Variants in RNF213 observed in about 807,000 individuals in gnomAD.
The protein encoded by RNF213 is E3 ubiquitin-protein ligase RNF213.
Under a neutral mutation model 514.4 loss-of-function variants are expected in RNF213, and 341 were observed. The ratio of observed to expected loss-of-function variants is 0.66; its 90% CI spans 0.61 to 0.73. RNF213 has a LOEUF of 0.73. RNF213 is among the 30% of genes least tolerant of loss of function. RNF213 has a pLI of 0.00. For synonymous variants in RNF213, 2,655 were observed against 2,658.2 expected, an observed-to-expected ratio of 1.00 and a Z score of 0.04; for missense variants, 5,767 against 6,615.6, an observed-to-expected ratio of 0.87 and a Z score of 4.45.
At chr17:80,374,202 C>T (rs1019406485) in intron 49 of RNF213, among the ~76,000 whole-genome samples, 1 of 152,182 alleles carries the variant, frequency 6.6e-6, no homozygotes, top group East Asian at 1.9e-4. Context: ...GCGCCGCAAA[C>T]GGAGGAAGCA....
intron 59 of RNF213, among the ~76,000 whole-genome samples, chr17:80,384,209 A>T (rs1283839089): frequency 6.6e-6 from 1 of 152,084 alleles, no homozygotes; most frequent in Admixed American, 6.6e-5. Context: ...TCCCCTCATC[A>T]CTCAGCCAGA....
At position 80,377,754 on chromosome 17, in the gene RNF213, C is replaced by T; in HGVS notation, c.13511-8C>T. On this transcript the variant is annotated splice_region_variant and splice_polypyrimidine_tract_variant and intron_variant, in intron 53 of 67. Coordinates refer to ENST00000582970, the MANE Select transcript of RNF213 (RefSeq NM_001256071.3). The surrounding 1 kb of genome is among the most constrained non-coding windows in gnomAD (Gnocchi z 4.1). ...CATTAGCCAATGTGTGTCCTGTTCT[C>T]TTCACAGCTTGTCCCAACGGCCATC... 5 of 1,614,174 alleles carry T rather than the reference C, an allele frequency of 3.1e-6. No individual in the cohort carries two copies. Among genetic ancestry groups the T allele is most frequent in the Non-Finnish European group, 4.2e-6 (5 of 1,180,012 alleles).
rs375963112 is a variant in RNF213 at position 80,343,108 on chromosome 17, C to G, written c.5990-24C>G. ...CAGGTGTGAGCCACCACTCCCAGCCCTAATTTCTGTATTAATGTTATAGGA... is the reference window on the plus strand; with the variant it reads ...CAGGTGTGAGCCACCACTCCCAGCCGTAATTTCTGTATTAATGTTATAGGA... On this transcript the variant is annotated intron_variant, in intron 26 of 67. Transcript: ENST00000582970. The surrounding 1 kb of genome is among the most constrained non-coding windows in gnomAD (Gnocchi z 4.3). 2.5e-6 allele frequency: 4 copies of G among 1,602,534 alleles called. No individual in the cohort carries two copies. Among genetic ancestry groups the G allele is most frequent in the Middle Eastern group, 1.7e-4 (1 of 6,058 alleles).
At chr17:80,290,155 G>C (rs2044638342) in intron 6 of RNF213, among the ~76,000 whole-genome samples, 1 of 152,228 alleles carries the variant, frequency 6.6e-6, no homozygotes, top group Admixed American at 6.5e-5. Flanking sequence ...GGCAGGGAGT[G>C]GCCACCTCTT....
Position 80,389,650 on chromosome 17 carries a change from G to GC in RNF213, c.15196-177dup, listed in dbSNP as rs1568174675. 3.3e-5 allele frequency among the ~76,000 whole-genome samples: 5 copies of GC among 152,326 alleles called. No individual in the cohort carries two copies. In the South Asian group the frequency reaches 8.3e-4, roughly 25 times the overall value. ...TGATGTGAGCGGGCTGTGAGGTGCC[G>GC]CAGGAGGGAACTGGTAGATAGGACA... On this transcript the variant is annotated intron_variant, in intron 65 of 67. Transcript: ENST00000582970.
At position 80,379,693 on chromosome 17, in the gene RNF213, G is replaced by A. The variant is rs748454069; in HGVS notation, c.13619G>A (p.Arg4540Gln). Residue 4540 changes from arginine (R) to glutamine (Q), a missense_variant, in exon 55 of 68, where the codon CGG becomes CAG. Transcript: ENST00000582970. ...ATTGGAGGCATTGACCACAAACCTC[G>A]GGACGGCTTTCATCTGGTCAAGTAT... The part of the protein sequence containing the change: ...APIGGIDHKP[R>Q]DGFHLVKDKA... 18 of 1,614,150 alleles carry A rather than the reference G, an allele frequency of 1.1e-5. No individual in the cohort carries two copies. Among genetic ancestry groups the A allele is most frequent in the East Asian group, 2.2e-5 (1 of 44,882 alleles).
chr17:80,336,159 A>C lies in RNF213; in HGVS notation c.4310-2A>C. The C allele has an allele frequency of 3.9e-6, 6 of 1,536,808 alleles. No homozygotes were observed. The highest frequency in any genetic ancestry group is 5.2e-6 in the Non-Finnish European group (6 of 1,146,574). ...GCTGAACTCCCCTCTTCTCTTCCCCAGGCATCAATGAGCTGAAGGTGTTTG... is the reference window on the plus strand; with the variant it reads ...GCTGAACTCCCCTCTTCTCTTCCCCCGGCATCAATGAGCTGAAGGTGTTTG... On this transcript the variant is annotated splice_acceptor_variant, in intron 22 of 67. Coordinates refer to ENST00000582970, the MANE Select transcript of RNF213 (RefSeq NM_001256071.3). LOFTEE classifies it high-confidence loss of function.
chr17:80,322,715 T>C (rs2046180008), intron 17 of RNF213, among the ~76,000 whole-genome samples: 1 of 152,128 alleles, frequency 6.6e-6, no homozygotes. Flanking sequence ...GCACCTGGCC[T>C]CTTTTGCTCA....
chr17:80,349,951 C>T, intron 30 of RNF213, 45 bp downstream of exon 30: 2 of 1,611,704 alleles, frequency 1.2e-6, no homozygotes, highest in Non-Finnish European at 1.7e-6. Context: ...TCCCCAGCCG[C>T]AGCCGTGTGG....
At position 80,345,370 on chromosome 17, in the gene RNF213, C is replaced by T; in HGVS notation, c.7035C>T (p.Val2345=). 1 of 1,614,144 alleles carries T rather than the reference C, an allele frequency of 6.2e-7. No individual in the cohort carries two copies. The highest frequency in any genetic ancestry group is 8.5e-7 in the Non-Finnish European group (1 of 1,180,034). ...CTGGGAAGGTCATCAAGAGAGACGT[C>T]ATGACCAGGGACCTGTACCAGGGCC... ...HLTGKVIKRD[V]MTRDLYQGLL... Residue 2345 remains valine, a synonymous_variant, in exon 29 of 68, where the codon GTC becomes GTT. Coordinates refer to ENST00000582970, the MANE Select transcript of RNF213 (RefSeq NM_001256071.3). This position sits in a 1 kb window ranked among gnomAD's most constrained non-coding sequence, Gnocchi z 6.0.
chr17:80,283,089 AC>A (rs1195830774), intron 3 of RNF213, among the ~76,000 whole-genome samples: 2 of 152,148 alleles, frequency 1.3e-5, no homozygotes, highest in East Asian at 3.9e-4. Flanking sequence ...TCTAAGCCTC[AC>A]CCCCCGTAAA....
rs768023486 is a variant in RNF213 at position 80,380,930 on chromosome 17, C to T, written c.13740C>T (p.Leu4580=). The T allele has an allele frequency of 4.3e-6, 7 of 1,614,084 alleles. No individual in the cohort carries two copies. Among genetic ancestry groups the T allele is most frequent in the South Asian group, 3.3e-5 (3 of 91,088 alleles). The change falls in exon 56 of 68, where the codon CTC becomes CTT. Residue 4580 remains leucine (L), a synonymous_variant. Transcript: ENST00000582970. ...CDRGLPPVVF[L]LIRLLTHLAL... The stretch of plus-strand genomic sequence containing the variant: ...GAGGGCTGCCCCCAGTGGTCTTCCT[C>T]CTTATCCGGCTACTCACTCACTTGG...
chr17:80,301,371 G>A (rs1019735068), intron 11 of RNF213, among the ~76,000 whole-genome samples: 3 of 152,176 alleles, frequency 2.0e-5, no homozygotes, highest in Non-Finnish European at 4.4e-5. Flanking sequence ...ACTATCAACA[G>A]AGTGAAGAGA....
rs1315175853 is a variant in RNF213, at chr17:80,370,729, GGGTT to G, written c.12425+863_12425+866del. Among the ~76,000 whole-genome samples, 14 of 152,302 alleles carry G rather than the reference GGGTT, an allele frequency of 9.2e-5. No individual in the cohort carries two copies. In the South Asian group the frequency reaches 2.5e-3, roughly 27 times the overall value. ...CAGAAAATCACTCATGACAAGCCCT[GGGTT>G]ATCAGCCGGCTGCTGTGTTCATGGA... On this transcript the variant is annotated intron_variant, in intron 46 of 67. Transcript: ENST00000582970.
Position 80,393,503 on chromosome 17 carries a change from A to G in RNF213, c.*5A>G. On this transcript the variant is annotated 3_prime_UTR_variant, in exon 68 of 68. Transcript: ENST00000582970. ...TGGAATCGAGAAATGAGATAGAATT[A>G]TTTCCTCAGCTATCTTTGGATGACT... 1 of 1,613,972 alleles carries G rather than the reference A, an allele frequency of 6.2e-7. No individual in the cohort carries two copies. The highest frequency in any genetic ancestry group is 8.5e-7 in the Non-Finnish European group (1 of 1,179,916).
At chr17:80,292,451 C>T (rs1412050459) in intron 8 of RNF213, among the ~76,000 whole-genome samples, 1 of 152,170 alleles carries the variant, frequency 6.6e-6, no homozygotes, top group Non-Finnish European at 1.5e-5. Flanking sequence ...CAGCAAAGGC[C>T]TGGGAGCTGG....
At chr17:80,381,269 CTG>C in intron 56 of RNF213, 1 of 595,434 alleles carries the variant, frequency 1.7e-6, no homozygotes, top group South Asian at 2.0e-5. Flanking sequence ...ATTATTTTAC[CTG>C]TGTCTTCATT....
chr17:80,328,646 T>C (rs770726133), intron 20 of RNF213, among the ~76,000 whole-genome samples, 169 bp downstream of exon 20: 8 of 152,180 alleles, frequency 5.3e-5, no homozygotes, highest in Non-Finnish European at 1.5e-5. Flanking sequence ...TAGATTCTTC[T>C]TTTTGGTATT....
Position 80,317,333 on chromosome 17 carries a change from C to T in RNF213, c.2901+56C>T. ...GGCGTGAAGGCAAGCTGGAGAACCCCAGACCATTAGCGACAGCCAAGAGAT... is the reference window on the plus strand; with the variant it reads ...GGCGTGAAGGCAAGCTGGAGAACCCTAGACCATTAGCGACAGCCAAGAGAT... On this transcript the variant is annotated intron_variant, in intron 16 of 67. Transcript: ENST00000582970. The surrounding 1 kb of genome is among the most constrained non-coding windows in gnomAD (Gnocchi z 4.1). 6.6e-7 allele frequency: 1 copy of T among 1,521,020 alleles called. No homozygotes were observed. The highest frequency in any genetic ancestry group is 2.3e-5 in the East Asian group (1 of 43,826). The allele number at this position is 1,521,020 out of a possible 1,614,324, so 94.2% of individuals were successfully genotyped here.
Sources: gnomAD v4.1 joint callset for allele counts (sites outside exome capture counted in the v4.1 genomes callset) on GRCh38, gnomAD v4.1.1 for gene constraint, Gnocchi (gnomAD v3.1) non-coding constraint, MANE v1.5 for transcripts, NCBI Gene and HGNC (gene_info 2026-07-23, HGNC 2026-07-21) for gene names.